GNPTAB: variants seen among roughly 807,000 people sequenced by gnomAD.
The protein encoded by GNPTAB is N-acetylglucosamine-1-phosphate transferase subunits alpha and beta.
GNPTAB carries 92 observed loss-of-function variants against 136.6 expected under a neutral mutation model. That is an observed-to-expected ratio of 0.67 (90% confidence interval 0.57 to 0.80). The LOEUF (loss-of-function observed/expected upper bound fraction) is 0.80, where lower values mean the gene tolerates loss of function less well. GNPTAB is among the 30% of genes least tolerant of loss of function. The pLI, the probability that GNPTAB is intolerant of heterozygous loss-of-function variation, is 0.00. For missense variants in GNPTAB, 1,343 were observed against 1,501.8 expected (o/e 0.89, Z 1.75); for synonymous variants, 512 against 535.1 (o/e 0.96, Z 0.60).
At position 101,780,493 on chromosome 12, in the gene GNPTAB, CTTT is replaced by C. The variant is rs915806696; in HGVS notation, c.636+61_636+63del. 4.9e-5 allele frequency: 62 copies of C among 1,252,842 alleles called. No individual in the cohort carries two copies. In the African/African-American group the frequency reaches 8.7e-4, roughly 18 times the overall value. 77.6% of individuals were successfully genotyped at this position (1,252,842 alleles called of 1,614,324 possible). On this transcript the variant is annotated intron_variant, in intron 6 of 20. Coordinates refer to ENST00000299314, the MANE Select transcript of GNPTAB (RefSeq NM_024312.5). Reference sequence around the variant, plus strand: ...TAAAAAGATTCTCAAAGAAAAACAGCTTTATTATTCATATTTTTATTCTAGTCT... The same window carrying C: ...TAAAAAGATTCTCAAAGAAAAACAGCATTATTCATATTTTTATTCTAGTCT...
chr12:101,788,806 G>A (rs1868818348), intron 3 of GNPTAB, among the ~76,000 whole-genome samples: 1 of 152,138 alleles, frequency 6.6e-6, no homozygotes, highest in Non-Finnish European at 1.5e-5. Context: ...CCTGCACTGG[G>A]GTGCACTCTT....
intron 1 of GNPTAB, among the ~76,000 whole-genome samples, chr12:101,824,753 A>G (rs754336630): frequency 2.8e-4 from 42 of 152,052 alleles, no homozygotes; most frequent in African/African-American, 9.9e-4. Flanking sequence ...GCCTCATCCT[A>G]TATTTTTCAA....
intron 2 of GNPTAB, chr12:101,796,424 G>A (rs1323139384): frequency 3.1e-6 from 2 of 639,856 alleles, no homozygotes; most frequent in Non-Finnish European, 5.6e-6. Context: ...ATATCTTACG[G>A]AATACTTCAT....
At chr12:101,772,972 A>G (rs1261538646) in intron 7 of GNPTAB, 1 of 165,682 alleles carries the variant, frequency 6.0e-6, no homozygotes, top group Non-Finnish European at 1.3e-5. Flanking sequence ...AAGCACCACC[A>G]TGCCCAGCTA....
Position 101,764,643 on chromosome 12 carries a change from T to C in GNPTAB, c.2274A>G (p.Thr758=), listed in dbSNP as rs1406898542. The C allele has an allele frequency of 6.2e-7, 1 of 1,613,818 alleles. No homozygotes were observed. Among genetic ancestry groups the C allele is most frequent in the African/African-American group, 1.3e-5 (1 of 75,030 alleles). Residue 758 remains threonine (T), a synonymous_variant, in exon 13 of 21, where the codon ACA becomes ACG. Transcript: ENST00000299314. ...CCTGTGGAGCCACCAAACTGTCATT[T>C]GTTTCATCTGTTATTATAGCTTGAT... ...IKNQAIITDE[T]NDSLVAPQEK...
intron 2 of GNPTAB, among the ~76,000 whole-genome samples, chr12:101,791,543 G>A (rs942495982): frequency 2.0e-5 from 3 of 151,536 alleles, no homozygotes; most frequent in Non-Finnish European, 2.9e-5. Context: ...GTGTTGGGCC[G>A]CATTCAAAGC....
In GNPTAB at chr12:101,764,454, G is replaced by A; in HGVS notation, c.2463C>T (p.His821=). 6.2e-6 allele frequency: 10 copies of A among 1,613,620 alleles called. No homozygotes were observed. The highest frequency in any genetic ancestry group is 8.5e-6 in the Non-Finnish European group (10 of 1,180,030). The part of the protein sequence containing the change: ...ETTARFRVET[H]TQKTIGGNVT... ...CATTTCCGCCTATGGTTTTTTGGGT[G>A]TGAGTTTCCACTCTAAATCTTGCTG... Residue 821 remains histidine (H), a synonymous_variant, in exon 13 of 21, where the codon CAC becomes CAT. Transcript: ENST00000299314.
intron 1 of GNPTAB, among the ~76,000 whole-genome samples, chr12:101,807,748 G>A (rs915904874): frequency 1.3e-5 from 2 of 152,104 alleles, no homozygotes; most frequent in South Asian, 2.1e-4. Context: ...TGGCCAACAC[G>A]GTGAAACTCC....
intron 1 of GNPTAB, among the ~76,000 whole-genome samples, chr12:101,802,370 A>G (rs1869693876): frequency 6.6e-6 from 1 of 152,036 alleles, no homozygotes; most frequent in African/African-American, 2.4e-5. Flanking sequence ...GTTACTGGGG[A>G]CCCTCACCAA....
intron 7 of GNPTAB, among the ~76,000 whole-genome samples, chr12:101,771,985 G>T (rs536983086): frequency 2.8e-4 from 43 of 152,356 alleles, no homozygotes; most frequent in African/African-American, 9.4e-4. Context: ...CCACGTGCCT[G>T]GGAGGAGCAC....
intron 18 of GNPTAB, among the ~76,000 whole-genome samples, chr12:101,755,608 T>A (rs1244345270): frequency 6.6e-6 from 1 of 152,176 alleles, no homozygotes; most frequent in Non-Finnish European, 1.5e-5. Flanking sequence ...GCTAAGAAAT[T>A]CAGAGAAAAA....
intron 13 of GNPTAB, among the ~76,000 whole-genome samples, chr12:101,763,221 CAAAA>C (rs754822672): frequency 7.3e-4 from 44 of 59,898 alleles, no homozygotes; most frequent in African/African-American, 2.5e-3. Flanking sequence ...AACTCCATCT[CAAAA>C]AAAAAAAAAA....
chr12:101,758,199 C>T (rs11111001), intron 16 of GNPTAB, among the ~76,000 whole-genome samples: 14,867 of 152,180 alleles, frequency 0.098, 871 homozygotes, highest in Middle Eastern at 0.2. Context: ...CCACCACACC[C>T]AACTCATTTT....
Position 101,765,308 on chromosome 12 carries a change from G to C in GNPTAB, c.1613-4C>G, listed in dbSNP as rs222510. 1.3e-6 allele frequency: 2 copies of C among 1,588,958 alleles called. No homozygotes were observed. Among genetic ancestry groups the C allele is most frequent in the South Asian group, 1.1e-5 (1 of 90,382 alleles). ...TTATACAATTCATGAAAATGATCTA[G>C]AGGAAAAAACAGAAACATGATTTTT... On this transcript the variant is annotated splice_polypyrimidine_tract_variant and splice_region_variant and intron_variant, in intron 12 of 20. Transcript: ENST00000299314.
chr12:101,774,056 GT>G (rs1953223126), intron 7 of GNPTAB, among the ~76,000 whole-genome samples: 1 of 152,204 alleles, frequency 6.6e-6, no homozygotes. Context: ...CAGAATGTTT[GT>G]TCTAGCAGCA....
intron 6 of GNPTAB, 92 bp downstream of exon 6, chr12:101,780,465 C>T (rs1953325501): frequency 9.0e-7 from 1 of 1,116,278 alleles, no homozygotes; most frequent in Admixed American, 1.9e-5. Flanking sequence ...AAAAAATAAA[C>T]ATTAAAAAGA....
rs1262269049 is a variant in GNPTAB at position 101,764,875 on chromosome 12, T to C, written c.2042A>G (p.His681Arg). Residue 681 changes from histidine (H) to arginine (R), a missense_variant, in exon 13 of 21, where the codon CAT (histidine) becomes CGT (arginine). By Grantham distance (29) the His-to-Arg change is conservative. Transcript: ENST00000299314. The stretch of plus-strand genomic sequence containing the variant: ...GGCTCTCCTTGTTGAGTTAACATCA[T>C]GTCTCTTAAACTTCGGGAAGCGTTT... ...KEKRFPKFKR[H>R]DVNSTRRAQE... 1.9e-6 allele frequency: 3 copies of C among 1,614,220 alleles called. No individual in the cohort carries two copies. Among genetic ancestry groups the C allele is most frequent in the Non-Finnish European group, 2.5e-6 (3 of 1,180,046 alleles).
At chr12:101,748,060 C>T (rs1187370163) in intron 20 of GNPTAB, among the ~76,000 whole-genome samples, 1 of 152,210 alleles carries the variant, frequency 6.6e-6, no homozygotes, top group Non-Finnish European at 1.5e-5. Flanking sequence ...AGGTTTCTCA[C>T]TGGACCCTGT....
intron 4 of GNPTAB, 141 bp downstream of exon 4, chr12:101,788,407 A>T: frequency 1.5e-6 from 1 of 689,604 alleles, no homozygotes; most frequent in Non-Finnish European, 2.7e-6. Context: ...TTTCCTGTCT[A>T]ATAGATGTAC....
Sources: gnomAD v4.1 joint callset for allele counts (sites outside exome capture counted in the v4.1 genomes callset) on GRCh38, gnomAD v4.1.1 for gene constraint, MANE v1.5 for transcripts, NCBI Gene and HGNC (gene_info 2026-07-23, HGNC 2026-07-21) for gene names.